The following RBM4B variants were observed in gnomAD, a reference collection of about 807,000 sequenced individuals.
The protein encoded by RBM4B is RNA binding motif protein 4B.
A neutral mutation model predicts 28.5 loss-of-function variants in RBM4B; 13 were observed. The observed-to-expected ratio is 0.46, with a 90% CI of 0.30 to 0.72. The LOEUF (loss-of-function observed/expected upper bound fraction) is 0.72, where lower values mean the gene tolerates loss of function less well. RBM4B is among the 30% of genes least tolerant of loss of function. RBM4B has a pLI of 0.09. For synonymous variants in RBM4B, 167 were observed against 179.1 expected (o/e 0.93, Z 0.54); for missense variants, 387 against 477.6 (o/e 0.81, Z 1.77).
intron 2 of RBM4B, among the ~76,000 whole-genome samples, chr11:66,673,126 C>T (rs1939524030): frequency 6.6e-6 from 1 of 151,730 alleles, no homozygotes; most frequent in South Asian, 2.1e-4. Context: ...CCAGAAAAGA[C>T]TGGGGATGTA....
rs1431748406 is a variant in RBM4B, at chr11:66,665,998, A to T, written c.*10-420T>A. Reference sequence around the variant, plus strand: ...TATATGGCGAATTGCACTATTCTAAATGTGTTTTGTTTTAATCTTTCACAG... The same window carrying T: ...TATATGGCGAATTGCACTATTCTAATTGTGTTTTGTTTTAATCTTTCACAG... On this transcript the variant is annotated intron_variant, in intron 3 of 3. Transcript: ENST00000310046. The T allele has an allele frequency of 6.8e-6, 10 of 1,468,064 alleles. No individual in the cohort carries two copies. The South Asian group carries it at 1.2e-4, about 18-fold the overall frequency. The allele number at this position is 1,468,064 out of a possible 1,614,324, so 90.9% of individuals were successfully genotyped here.
At chr11:66,669,468 C>T (rs1218409078) in intron 2 of RBM4B, among the ~76,000 whole-genome samples, 177 bp from the exon 3 acceptor site, 2 of 150,970 alleles carry the variant, frequency 1.3e-5, no homozygotes, top group East Asian at 1.9e-4. Flanking sequence ...TTTTTTGAGA[C>T]GGAGTTTCCC....
intron 2 of RBM4B, chr11:66,675,508 C>G (rs1196523716): frequency 6.6e-6 from 1 of 152,234 alleles, no homozygotes; most frequent in African/African-American, 2.4e-5. Flanking sequence ...ACTATGCAAA[C>G]TTTCTTACCC....
In RBM4B at chr11:66,665,313, C is replaced by T. The variant is rs2135223710; in HGVS notation, c.*275G>A. 2.0e-6 allele frequency: 1 copy of T among 508,564 alleles called. No individual in the cohort carries two copies. The highest frequency in any genetic ancestry group is 3.4e-5 in the East Asian group (1 of 29,012). 31.5% of individuals were successfully genotyped at this position (508,564 alleles called of 1,614,324 possible). A position where few individuals can be genotyped will look rare whatever the true frequency, so the allele number is the denominator to read the frequency against. The stretch of plus-strand genomic sequence containing the variant: ...GCAAGATAAGAGGGGTTCCACTGCA[C>T]AGGAAAAAGGGGATGCCAGCATAAT... On this transcript the variant is annotated 3_prime_UTR_variant, in exon 4 of 4. Transcript: ENST00000310046.
intron 2 of RBM4B, among the ~76,000 whole-genome samples, chr11:66,674,038 A>G (rs2135247559): frequency 6.6e-6 from 1 of 152,296 alleles, no homozygotes; most frequent in Admixed American, 6.5e-5. Flanking sequence ...TAGTGTTTGC[A>G]CTTTCTAAGG....
intron 3 of RBM4B, chr11:66,665,779 C>A: frequency 7.4e-7 from 1 of 1,348,022 alleles, no homozygotes; most frequent in Non-Finnish European, 1.0e-6. Context: ...CCACTTATGG[C>A]TATATATATA....
chr11:66,671,555 C>T (rs1939463673), intron 2 of RBM4B, among the ~76,000 whole-genome samples: 1 of 152,080 alleles, frequency 6.6e-6, no homozygotes, highest in South Asian at 2.1e-4. Context: ...TAAATTTGCA[C>T]TTTACTTTTA....
At chr11:66,673,543 T>C (rs1201880210) in intron 2 of RBM4B, among the ~76,000 whole-genome samples, 2 of 152,208 alleles carry the variant, frequency 1.3e-5, no homozygotes, top group South Asian at 4.1e-4. Context: ...CACTGCAACC[T>C]CCGCCTCTGG....
At position 66,668,822 on chromosome 11, in the gene RBM4B, G is replaced by A; in HGVS notation, c.882C>T (p.Thr294=). 1.2e-6 allele frequency: 2 copies of A among 1,613,898 alleles called. No homozygotes were observed. Among genetic ancestry groups the A allele is most frequent in the African/African-American group, 2.7e-5 (2 of 75,044 alleles). Residue 294 remains threonine, a synonymous_variant, in exon 3 of 4, where the codon ACC becomes ACT. Coordinates refer to ENST00000310046, the MANE Select transcript of RBM4B (RefSeq NM_031492.4). ...TGTCCCTTCCATAGTAGGAGGAAGT[G>A]GTGGCTGCAGCAGCAGCCATAGCAG... The part of the protein sequence containing the change: ...TSAAMAAAAA[T]TSSYYGRDRS...
intron 2 of RBM4B, among the ~76,000 whole-genome samples, chr11:66,674,906 A>G (rs1398176360): frequency 2.0e-5 from 3 of 152,206 alleles, no homozygotes; most frequent in Non-Finnish European, 4.4e-5. Context: ...GGCATTCTGT[A>G]TGACATTACT....
intron 2 of RBM4B, among the ~76,000 whole-genome samples, chr11:66,673,727 C>G (rs1425520370): frequency 6.6e-6 from 1 of 152,202 alleles, no homozygotes; most frequent in African/African-American, 2.4e-5. Flanking sequence ...TTCCAGAGTG[C>G]TGGGATTACA....
intron 2 of RBM4B, chr11:66,670,955 T>G: frequency 1.4e-6 from 1 of 702,628 alleles, no homozygotes; most frequent in Non-Finnish European, 2.6e-6. Context: ...GATGCAGCTA[T>G]GCGAGAGGAA....
rs756599086 is a variant in RBM4B, at chr11:66,669,165, G to A, written c.539C>T (p.Thr180Met). Residue 180 changes from threonine to methionine, a missense_variant, in exon 3 of 4, where the codon ACG becomes ATG. Coordinates refer to ENST00000310046, the MANE Select transcript of RBM4B (RefSeq NM_031492.4). Reference protein sequence around the residue: ...HWSKECPVDRTGRVADFTEQY... With the variant: ...HWSKECPVDRMGRVADFTEQY... The stretch of plus-strand genomic sequence containing the variant: ...CTCAGTAAAGTCTGCCACACGACCC[G>A]TACGATCTACTGGGCACTCTTTGGA... The A allele has an allele frequency of 2.8e-5, 45 of 1,614,034 alleles. 1 individual carries two copies. In the Middle Eastern group the frequency reaches 8.2e-4, roughly 29 times the overall value.
chr11:66,665,682 A>T, intron 3 of RBM4B, 104 bp from the exon 4 acceptor site: 1 of 1,514,582 alleles, frequency 6.6e-7, no homozygotes, highest in South Asian at 1.2e-5. Context: ...GGGGAAAAAA[A>T]AGAACAAAAC....
Position 66,665,541 on chromosome 11 carries a change from T to C in RBM4B, c.*47A>G. The C allele has an allele frequency of 6.6e-7, 1 of 1,507,064 alleles. No individual in the cohort carries two copies. Among genetic ancestry groups the C allele is most frequent in the Non-Finnish European group, 8.9e-7 (1 of 1,120,362 alleles). The allele number at this position is 1,507,064 out of a possible 1,614,324, so 93.4% of individuals were successfully genotyped here. A position where few individuals can be genotyped will look rare whatever the true frequency, so the allele number is the denominator to read the frequency against. ...ACCGCGCGGAGCAAGTTCTCATATA[T>C]GACCGCAGCCCGAGGGTTCAGTCCG... On this transcript the variant is annotated 3_prime_UTR_variant, in exon 4 of 4. Transcript: ENST00000310046.
Position 66,665,287 on chromosome 11 carries a change from A to C in RBM4B, c.*301T>G. On this transcript the variant is annotated 3_prime_UTR_variant, in exon 4 of 4. Transcript: ENST00000310046. ...GGAGAAGGATTCAACTCCTAGGGAA[A>C]GCAAGATAAGAGGGGTTCCACTGCA... 2.3e-6 allele frequency: 1 copy of C among 430,208 alleles called. No homozygotes were observed. Among genetic ancestry groups the C allele is most frequent in the Non-Finnish European group, 4.2e-6 (1 of 238,250 alleles). The allele number at this position is 430,208 out of a possible 1,614,324, so 26.6% of individuals were successfully genotyped here.
intron 2 of RBM4B, among the ~76,000 whole-genome samples, chr11:66,671,365 G>C (rs1412565340): frequency 6.6e-6 from 1 of 152,176 alleles, no homozygotes; most frequent in Non-Finnish European, 1.5e-5. Context: ...CAAATGCATA[G>C]TTCCCTATAA....
At chr11:66,676,214 G>A (rs1939630804) in intron 2 of RBM4B, 3 of 185,410 alleles carry the variant, frequency 1.6e-5, no homozygotes, top group Non-Finnish European at 3.3e-5. Context: ...GCTTCCTCTA[G>A]ATGTCTTTTT....
Position 66,677,003 on chromosome 11 carries a change from C to T in RBM4B, c.77G>A (p.Gly26Glu). 6.2e-7 allele frequency: 1 copy of T among 1,614,128 alleles called. No homozygotes were observed. Residue 26 changes from glycine (G) to glutamate (E), a missense_variant, in exon 2 of 4, where the codon GGG (glycine) becomes GAG (glutamate). Physicochemically the swap from Gly to Glu is moderately conservative, Grantham distance 98 (BLOSUM62 -2). This residue lies in a region of RBM4B where 161 missense variants were observed against 256.9 expected (regional missense o/e 0.63). Coordinates refer to ENST00000310046, the MANE Select transcript of RBM4B (RefSeq NM_031492.4). The part of the protein sequence containing the change: ...QEIRSLFEQY[G>E]KVLECDIIKN... Reference sequence around the variant, plus strand: ...AATGATGTCACATTCCAGCACCTTCCCATACTGCTCGAAGAGTGAGCGAAT... The same window carrying T: ...AATGATGTCACATTCCAGCACCTTCTCATACTGCTCGAAGAGTGAGCGAAT...
Sources: gnomAD v4.1 joint callset for allele counts (sites outside exome capture counted in the v4.1 genomes callset) on GRCh38, gnomAD v4.1.1 for gene constraint, gnomAD v4.1.1 regional missense constraint, MANE v1.5 for transcripts, NCBI Gene and HGNC (gene_info 2026-07-23, HGNC 2026-07-21) for gene names.